The following CNBD1 variants were observed in gnomAD, a reference collection of about 807,000 sequenced individuals.
CNBD1 encodes cyclic nucleotide-binding domain-containing protein 1.
Under a neutral mutation model 54.4 loss-of-function variants are expected in CNBD1, and 71 were observed. The ratio of observed to expected loss-of-function variants is 1.30; its 90% confidence interval spans 1.08 to 1.59. The LOEUF (loss-of-function observed/expected upper bound fraction) is 1.59, where lower values mean the gene tolerates loss of function less well. Among genes scored for constraint, CNBD1 ranks in the 40% most tolerant of loss-of-function variants. The pLI is 0.00. For synonymous variants in CNBD1, 182 were observed against 170.7 expected (o/e 1.07, Z -0.51); for missense variants, 659 against 518.0 (o/e 1.27, Z -2.64).
At chr8:87,402,632 T>C (rs1807585855) in intron 2 of CNBD1, among the ~76,000 whole-genome samples, 1 of 152,060 alleles carries the variant, frequency 6.6e-6, no homozygotes, top group Non-Finnish European at 1.5e-5. Flanking sequence ...TGATACACAT[T>C]GTATCATGGT....
chr8:86,999,074 A>G (rs370586349), intron 4 of CNBD1, among the ~76,000 whole-genome samples: 9 of 152,364 alleles, frequency 5.9e-5, no homozygotes, highest in African/African-American at 1.9e-4. Flanking sequence ...TGCCATTGAT[A>G]TCATCAACTT....
chr8:86,956,054 G>C (rs1807759562), intron 4 of CNBD1, among the ~76,000 whole-genome samples: 2 of 152,090 alleles, frequency 1.3e-5, no homozygotes, highest in African/African-American at 4.8e-5. Context: ...CATATGGCTA[G>C]CCGGTTTTCC....
intron 2 of CNBD1, among the ~76,000 whole-genome samples, chr8:86,891,511 A>C (rs2131793187): frequency 6.6e-6 from 1 of 152,172 alleles, no homozygotes; most frequent in Non-Finnish European, 1.5e-5. Flanking sequence ...TTTTGAATTC[A>C]GGGAGTGAGA....
At chr8:87,398,014 A>T (rs1214652607) in intron 2 of CNBD1, among the ~76,000 whole-genome samples, 1 of 151,874 alleles carries the variant, frequency 6.6e-6, no homozygotes, top group Non-Finnish European at 1.5e-5. Flanking sequence ...TAAGTCCAAT[A>T]AACCTCTTTC....
In CNBD1 at chr8:87,166,186, T is replaced by C. The variant is rs1266073864; in HGVS notation, c.432-39807T>C. Among the ~76,000 whole-genome samples, 2 of 151,954 alleles carry C rather than the reference T, an allele frequency of 1.3e-5. No homozygotes were observed. The highest frequency in any genetic ancestry group is 4.8e-5 in the African/African-American group (2 of 41,412). On this transcript the variant is annotated intron_variant, in intron 4 of 10. Coordinates refer to ENST00000518476, the MANE Select transcript of CNBD1 (RefSeq NM_173538.3). This position sits in a 1 kb window ranked among gnomAD's most constrained non-coding sequence, Gnocchi z 4.3. ...TCTCAATAAATGAGACTAGGAATTA[T>C]CCAGATGAGTAAGTGACAAACCTAA...
At chr8:87,359,385 G>T (rs1810485729) in intron 10 of CNBD1, among the ~76,000 whole-genome samples, 1 of 152,020 alleles carries the variant, frequency 6.6e-6, no homozygotes, top group Non-Finnish European at 1.5e-5. Context: ...TCTCTAAATA[G>T]AAATGTGCTT....
At chr8:87,041,104 T>C (rs111701243) in intron 4 of CNBD1, among the ~76,000 whole-genome samples, 26 of 152,252 alleles carry the variant, frequency 1.7e-4, no homozygotes, top group African/African-American at 5.5e-4. Flanking sequence ...CAGCCTAATA[T>C]ATTTTTAGTG....
At chr8:87,020,268 A>G (rs1275505615) in intron 4 of CNBD1, among the ~76,000 whole-genome samples, 2 of 152,022 alleles carry the variant, frequency 1.3e-5, no homozygotes, top group African/African-American at 4.8e-5. Context: ...CACCCCTTAA[A>G]CAATTGGCTA....
chr8:87,066,889 A>G (rs1051209887), intron 4 of CNBD1, among the ~76,000 whole-genome samples: 1 of 151,962 alleles, frequency 6.6e-6, no homozygotes, highest in Non-Finnish European at 1.5e-5. Flanking sequence ...TCACCGATGT[A>G]ATTACTTCTT....
At chr8:87,342,827 T>C (rs903441635) in intron 8 of CNBD1, among the ~76,000 whole-genome samples, 7 of 152,106 alleles carry the variant, frequency 4.6e-5, no homozygotes, top group African/African-American at 1.7e-4. Flanking sequence ...GAATTACTGA[T>C]GAGGGTCCAT....
intron 6 of CNBD1, among the ~76,000 whole-genome samples, chr8:87,247,935 G>C (rs1307877375): frequency 6.6e-6 from 1 of 152,190 alleles, no homozygotes; most frequent in East Asian, 1.9e-4. Context: ...ACATTCAGAA[G>C]TGACCTCATT....
At chr8:86,929,301 G>A (rs987927446) in intron 3 of CNBD1, among the ~76,000 whole-genome samples, 1 of 152,168 alleles carries the variant, frequency 6.6e-6, no homozygotes, top group African/African-American at 2.4e-5. Context: ...TAGGATTAGA[G>A]AAGCATACTT....
downstream of CNBD1, among the ~76,000 whole-genome samples, chr8:87,386,587 C>A (rs983191324): frequency 3.3e-5 from 5 of 152,048 alleles, no homozygotes; most frequent in Non-Finnish European, 7.4e-5. Flanking sequence ...AAAAAAGCCT[C>A]CAAGAAATAT....
chr8:87,198,850 A>T (rs956288045), intron 4 of CNBD1, among the ~76,000 whole-genome samples: 3 of 152,194 alleles, frequency 2.0e-5, no homozygotes, highest in Non-Finnish European at 2.9e-5. Context: ...ATAATTTATA[A>T]AGAAAAGGGG....
chr8:87,233,604 T>G (rs925978563), intron 5 of CNBD1, among the ~76,000 whole-genome samples: 19 of 152,014 alleles, frequency 1.2e-4, no homozygotes, highest in Non-Finnish European at 1.8e-4. Flanking sequence ...GGCTGGAGGG[T>G]GCTGAAGATA....
At chr8:87,024,133 G>A (rs1809565944) in intron 4 of CNBD1, among the ~76,000 whole-genome samples, 2 of 150,926 alleles carry the variant, frequency 1.3e-5, no homozygotes, top group South Asian at 4.2e-4. Context: ...CAGATACTTG[G>A]GAGGCTGAGG....
chr8:87,106,177 A>T (rs1008725165), intron 4 of CNBD1, among the ~76,000 whole-genome samples: 13 of 123,452 alleles, frequency 1.1e-4, no homozygotes, highest in African/African-American at 1.5e-4. Context: ...ATTCCTTTCC[A>T]TTCCTTTCCT....
chr8:87,359,982 C>A (rs1810495509), intron 10 of CNBD1, among the ~76,000 whole-genome samples: 1 of 151,988 alleles, frequency 6.6e-6, no homozygotes, highest in African/African-American at 2.4e-5. Context: ...AACAGCAATT[C>A]TTTTAGAACT....
intron 2 of CNBD1, among the ~76,000 whole-genome samples, chr8:87,395,194 C>G (rs777844412): frequency 2.6e-5 from 4 of 151,894 alleles, no homozygotes; most frequent in Non-Finnish European, 4.4e-5. Context: ...ATTAGTACCA[C>G]TTTTGCGTTA....
Sources: allele counts gnomAD v4.1 joint callset (sites outside exome capture counted in the v4.1 genomes callset), GRCh38; gene constraint gnomAD v4.1.1; non-coding constraint Gnocchi (gnomAD v3.1); transcripts MANE v1.5; gene names NCBI Gene and HGNC (gene_info 2026-07-23, HGNC 2026-07-21).